The following TANC1 variants were observed in gnomAD, a reference collection of about 807,000 sequenced individuals.
TANC1 encodes the protein protein TANC1.
Under a neutral mutation model 149.7 loss-of-function variants are expected in TANC1, and 77 were observed. The ratio of observed to expected loss-of-function variants is 0.51; its 90% CI spans 0.43 to 0.62. The LOEUF is 0.62. Ranked by LOEUF, TANC1 falls within the 20% of genes least tolerant of loss-of-function variation. The pLI is 0.00. For synonymous variants in TANC1, 854 were observed against 925.0 expected, an observed-to-expected ratio of 0.92 and a Z score of 1.39; for missense variants, 1,985 against 2,321.8, an observed-to-expected ratio of 0.85 and a Z score of 2.98.
At position 159,232,048 on chromosome 2, in the gene TANC1, G is replaced by C. The variant is rs2060352128; in HGVS notation, c.*1036G>C. On this transcript the variant is annotated 3_prime_UTR_variant, in exon 27 of 27. Transcript: ENST00000263635. ...AAAAAGAAAACCCCAGTCACGATTT[G>C]CATGTTCTCTGTAAGCTTCATCCAT... is the stretch of plus-strand genomic sequence containing the variant. 6.6e-6 allele frequency: 1 copy of C among 152,596 alleles called. No homozygotes were observed. The highest frequency in any genetic ancestry group is 2.1e-4 in the South Asian group (1 of 4,832). The allele number at this position is 152,596 out of a possible 1,614,324, so 9.5% of individuals were successfully genotyped here. A position where few individuals can be genotyped will look rare whatever the true frequency, so the allele number is the denominator to read the frequency against.
chr2:159,042,939 G>A (rs1250333383), intron 2 of TANC1, among the ~76,000 whole-genome samples: 1 of 152,142 alleles, frequency 6.6e-6, no homozygotes, highest in East Asian at 1.9e-4. Context: ...ACATTTCGTT[G>A]TGGACTGGGC....
At chr2:159,209,288 A>G (rs554148984) in intron 19 of TANC1, among the ~76,000 whole-genome samples, 1 of 152,340 alleles carries the variant, frequency 6.6e-6, no homozygotes, top group South Asian at 2.1e-4. Context: ...GTTGAGGATT[A>G]GGTTAGATAA....
rs553528838 is a variant in TANC1 at position 159,203,213 on chromosome 2, T to C, written c.3244+4160T>C. ...TATTCGATAGGCTTTTCTTTTCTTT[T>C]TTTTTTTTTTTTGAGATGGAGTCTC... On this transcript the variant is annotated intron_variant, in intron 19 of 26. Transcript: ENST00000263635. 2.9e-3 allele frequency among the ~76,000 whole-genome samples: 441 copies of C among 149,600 alleles called. 4 individuals are homozygous for C. Among genetic ancestry groups the C allele is most frequent in the African/African-American group, 0.01 (421 of 40,834 alleles).
chr2:159,149,298 T>A, intron 6 of TANC1, 26 bp downstream of exon 6: 1 of 1,613,974 alleles, frequency 6.2e-7, no homozygotes, highest in Non-Finnish European at 8.5e-7. Flanking sequence ...GACACTACAT[T>A]GCATACCTCT....
intron 2 of TANC1, among the ~76,000 whole-genome samples, chr2:159,020,675 C>T (rs1019450037): frequency 1.3e-5 from 2 of 152,158 alleles, no homozygotes; most frequent in Non-Finnish European, 2.9e-5. Context: ...AAGGCTTGAA[C>T]ATATCTAATA....
At chr2:159,049,776 G>A (rs1287947192) in intron 2 of TANC1, among the ~76,000 whole-genome samples, 1 of 152,210 alleles carries the variant, frequency 6.6e-6, no homozygotes, top group East Asian at 1.9e-4. Flanking sequence ...TGCTTTATCA[G>A]CAGGAACCTG....
rs531963776 is a variant in TANC1 at position 159,085,049 on chromosome 2, A to G, written c.62-12588A>G. On this transcript the variant is annotated intron_variant, in intron 3 of 26. Coordinates refer to ENST00000263635, the MANE Select transcript of TANC1 (RefSeq NM_033394.3). Reference sequence around the variant, plus strand: ...ATAATTAGTGTATTCAAGTTAATGTATTGCTGTGGTTTGTTCTCACCAAAA... The same window carrying G: ...ATAATTAGTGTATTCAAGTTAATGTGTTGCTGTGGTTTGTTCTCACCAAAA... Among the ~76,000 whole-genome samples, 3 of 152,292 alleles carry G rather than the reference A, an allele frequency of 2.0e-5. No homozygotes were observed. The South Asian group carries it at 6.2e-4, about 32-fold the overall frequency.
chr2:159,151,146 T>G (rs2052759757), intron 7 of TANC1, among the ~76,000 whole-genome samples: 2 of 152,230 alleles, frequency 1.3e-5, no homozygotes, highest in Admixed American at 6.5e-5. Flanking sequence ...GCCCGGTGAC[T>G]TGAGCAACAT....
chr2:159,128,124 G>C (rs980367414), intron 4 of TANC1, among the ~76,000 whole-genome samples: 1 of 152,126 alleles, frequency 6.6e-6, no homozygotes, highest in Non-Finnish European at 1.5e-5. Flanking sequence ...TTCTTCCCTA[G>C]AATTGCAGTC....
chr2:159,071,606 G>A (rs2149726161), intron 3 of TANC1, among the ~76,000 whole-genome samples: 1 of 152,322 alleles, frequency 6.6e-6, no homozygotes, highest in East Asian at 1.9e-4. Context: ...TGATGTGATT[G>A]TTAAACTTGG....
chr2:159,196,290 G>A (rs932166496), intron 17 of TANC1, among the ~76,000 whole-genome samples: 4 of 152,316 alleles, frequency 2.6e-5, no homozygotes, highest in East Asian at 3.9e-4. Context: ...GGATTTGTCC[G>A]AGGTTTTGGT....
chr2:159,219,194 G>A (rs1351671734), intron 20 of TANC1, 44 bp from the exon 21 acceptor site: 2 of 1,612,224 alleles, frequency 1.2e-6, no homozygotes, highest in East Asian at 4.5e-5. Flanking sequence ...CAGGTGTGGT[G>A]GAAAATGCAG....
intron 19 of TANC1, among the ~76,000 whole-genome samples, chr2:159,203,302 G>A (rs1440986655): frequency 6.6e-6 from 1 of 151,252 alleles, no homozygotes; most frequent in East Asian, 2.0e-4. Context: ...CAACTCCCTG[G>A]TTCAAGGGCT....
At position 159,103,070 on chromosome 2, in the gene TANC1, C is replaced by T. The variant is rs1486191325; in HGVS notation, c.259+5236C>T. Among the ~76,000 whole-genome samples the T allele has an allele frequency of 2.1e-5, 2 of 95,484 alleles. 1 individual carries two copies. Among genetic ancestry groups the T allele is most frequent in the East Asian group, 4.6e-4 (2 of 4,342 alleles). The allele number at this position is 95,484 out of a possible 152,430, so 62.6% of individuals were successfully genotyped here. ...AGCATGTTATAATGTTTTCGCTATT[C>T]CTGGTGTGAATATTTTTTAATTATG... is the stretch of plus-strand genomic sequence containing the variant. On this transcript the variant is annotated intron_variant, in intron 4 of 26. Transcript: ENST00000263635.
chr2:158,987,969 C>T (rs1396740399), intron 1 of TANC1, among the ~76,000 whole-genome samples: 1 of 152,094 alleles, frequency 6.6e-6, no homozygotes. Flanking sequence ...CATTACCTAC[C>T]TTACTCTAAT....
intron 19 of TANC1, among the ~76,000 whole-genome samples, chr2:159,208,932 A>G (rs565141287): frequency 2.0e-5 from 3 of 152,358 alleles, no homozygotes; most frequent in Non-Finnish European, 2.9e-5. Context: ...TGAATACTGT[A>G]GGCAGCTATA....
In TANC1 at chr2:159,178,140, G is replaced by T. The variant is rs531289912; in HGVS notation, c.1903-416G>T. ...AAAGAAGGATGTCTTTTATCTTGGC[G>T]TCTGGCCGTGTTCTTAGATGTGCAG... is the stretch of plus-strand genomic sequence containing the variant. On this transcript the variant is annotated intron_variant, in intron 13 of 26. Coordinates refer to ENST00000263635, the MANE Select transcript of TANC1 (RefSeq NM_033394.3). 7.9e-5 allele frequency among the ~76,000 whole-genome samples: 12 copies of T among 152,366 alleles called. 1 individual carries two copies. In the South Asian group the frequency reaches 2.5e-3, roughly 32 times the overall value.
At chr2:159,000,100 GGGA>G (rs1254499807) in intron 1 of TANC1, among the ~76,000 whole-genome samples, 2 of 152,174 alleles carry the variant, frequency 1.3e-5, no homozygotes, top group African/African-American at 4.8e-5. Flanking sequence ...TGCGTTTCAA[GGGA>G]GTAGCCAGGT....
At chr2:159,082,655 C>T (rs560264844) in intron 3 of TANC1, among the ~76,000 whole-genome samples, 3 of 152,180 alleles carry the variant, frequency 2.0e-5, no homozygotes, top group Non-Finnish European at 2.9e-5. Flanking sequence ...CTGTAGGGAC[C>T]GTTGCTGTAA....
Sources: gnomAD v4.1 joint callset for allele counts (sites outside exome capture counted in the v4.1 genomes callset) on GRCh38, gnomAD v4.1.1 for gene constraint, MANE v1.5 for transcripts, NCBI Gene and HGNC (gene_info 2026-07-23, HGNC 2026-07-21) for gene names.